The following UMAD1 variants were observed in gnomAD, a reference collection of about 807,000 sequenced individuals.
UMAD1 encodes the protein UBAP1-MVB12-associated (UMA) domain containing 1.
In UMAD1, 8 loss-of-function variants were observed where a neutral mutation model predicts 6.1. The ratio of observed to expected loss-of-function variants is 1.30; its 90% CI spans 0.76 to 2.35. The LOEUF is 2.35. Ranked by LOEUF, UMAD1 falls within the 30% of genes most tolerant of loss-of-function variation. The probability of loss-of-function intolerance (pLI) is 0.00; values close to 1 mark genes in which losing one functional copy is unlikely to be tolerated. For missense variants in UMAD1, 130 were observed against 78.4 expected (o/e 1.66, Z -2.49); for synonymous variants, 56 against 31.4 (o/e 1.78, Z -2.61).
intron 2 of UMAD1, among the ~76,000 whole-genome samples, chr7:7,791,111 C>G (rs1207476945): frequency 6.6e-6 from 1 of 152,226 alleles, no homozygotes; most frequent in Non-Finnish European, 1.5e-5. Flanking sequence ...TGGTCTCGAA[C>G]TCCCCACCTC....
intron 2 of UMAD1, among the ~76,000 whole-genome samples, chr7:7,713,050 A>G (rs1780807018): frequency 6.6e-6 from 1 of 152,114 alleles, no homozygotes. Context: ...TTCAAAAAAT[A>G]TTCTAGGGCC....
At chr7:7,649,672 C>A (rs1047419187) in intron 1 of UMAD1, among the ~76,000 whole-genome samples, 1 of 144,500 alleles carries the variant, frequency 6.9e-6, no homozygotes, top group African/African-American at 2.4e-5. Context: ...GTTATACATT[C>A]TGTATTCTTG....
chr7:7,664,544 T>G (rs1232194037), intron 1 of UMAD1, among the ~76,000 whole-genome samples: 1 of 152,190 alleles, frequency 6.6e-6, no homozygotes, highest in Non-Finnish European at 1.5e-5. Flanking sequence ...ACATGGTTCC[T>G]TCCTCTAGTG....
intron 3 of UMAD1, among the ~76,000 whole-genome samples, chr7:7,805,943 A>AG (rs1189793190): frequency 1.3e-5 from 2 of 152,166 alleles, no homozygotes; most frequent in Non-Finnish European, 2.9e-5. Context: ...AATGAAAACA[A>AG]ACTTTGTATG....
At chr7:7,646,549 C>T (rs556061222) in intron 1 of UMAD1, among the ~76,000 whole-genome samples, 72 of 147,482 alleles carry the variant, frequency 4.9e-4, no homozygotes, top group Non-Finnish European at 7.3e-4. Flanking sequence ...TTTTGCTTTC[C>T]GCCATGATTG....
intron 2 of UMAD1, among the ~76,000 whole-genome samples, chr7:7,730,573 G>A (rs926904279): frequency 6.6e-6 from 1 of 152,052 alleles, no homozygotes; most frequent in Non-Finnish European, 1.5e-5. Flanking sequence ...ACATCCTCAC[G>A]TATAAGCCCT....
chr7:7,645,108 G>T (rs1236710896), intron 1 of UMAD1, among the ~76,000 whole-genome samples: 2 of 151,920 alleles, frequency 1.3e-5, no homozygotes, highest in African/African-American at 4.8e-5. Context: ...TTGGTATATA[G>T]AAATGCCATT....
intron 2 of UMAD1, among the ~76,000 whole-genome samples, chr7:7,788,568 T>C (rs1583825665): frequency 6.6e-6 from 1 of 152,200 alleles, no homozygotes; most frequent in East Asian, 1.9e-4. Context: ...GCTGTTAGAT[T>C]AGGATCTACC....
intron 2 of UMAD1, among the ~76,000 whole-genome samples, chr7:7,713,913 C>T (rs1424752595): frequency 6.6e-6 from 1 of 152,192 alleles, no homozygotes; most frequent in Non-Finnish European, 1.5e-5. Context: ...CAGCTCACTG[C>T]AGCCTCGACC....
intron 2 of UMAD1, among the ~76,000 whole-genome samples, chr7:7,762,077 A>T (rs1240174826): frequency 1.3e-5 from 2 of 152,174 alleles, no homozygotes; most frequent in African/African-American, 2.4e-5. Flanking sequence ...GAAAGTAGAA[A>T]CCTATCCTAA....
At chr7:7,785,281 T>C (rs1443122019) in intron 2 of UMAD1, among the ~76,000 whole-genome samples, 2 of 152,230 alleles carry the variant, frequency 1.3e-5, no homozygotes, top group African/African-American at 2.4e-5. Context: ...TGAATATTTC[T>C]TCAATATTGA....
At position 7,878,754 on chromosome 7, in the gene UMAD1, T is replaced by C. The variant is rs1333804424; in HGVS notation, c.*1216T>C. On this transcript the variant is annotated 3_prime_UTR_variant, in exon 4 of 4. Transcript: ENST00000682710. ...AAAGGTACATGAATTATTCCAGTTT[T>C]AAAGTATTATGCATGTTTGTTTAAT... The C allele has an allele frequency of 6.6e-6, 1 of 152,230 alleles. No homozygotes were observed. Among genetic ancestry groups the C allele is most frequent in the Non-Finnish European group, 1.5e-5 (1 of 68,030 alleles). 9.4% of individuals were successfully genotyped at this position (152,230 alleles called of 1,614,324 possible). A position where few individuals can be genotyped will look rare whatever the true frequency, so the allele number is the denominator to read the frequency against.
At chr7:7,810,372 A>G (rs1176058509) in intron 3 of UMAD1, among the ~76,000 whole-genome samples, 2 of 152,140 alleles carry the variant, frequency 1.3e-5, no homozygotes, top group African/African-American at 4.8e-5. Context: ...TTCTAAGAAA[A>G]TAGTCTTTTA....
intron 2 of UMAD1, among the ~76,000 whole-genome samples, chr7:7,709,421 T>G (rs1056200444): frequency 6.6e-6 from 1 of 152,178 alleles, no homozygotes; most frequent in Non-Finnish European, 1.5e-5. Context: ...AGAGGTCAGA[T>G]GTTGGTGTTG....
intron 2 of UMAD1, among the ~76,000 whole-genome samples, chr7:7,679,784 C>G (rs1035810395): frequency 2.7e-5 from 4 of 149,794 alleles, no homozygotes; most frequent in East Asian, 1.9e-4. Flanking sequence ...AGGCCACTTT[C>G]GAACTCTTAG....
At chr7:7,689,878 TG>T (rs1358147220) in intron 2 of UMAD1, among the ~76,000 whole-genome samples, 1 of 152,200 alleles carries the variant, frequency 6.6e-6, no homozygotes, top group Non-Finnish European at 1.5e-5. Flanking sequence ...AAGCAGCTAG[TG>T]ATTAACAACC....
intron 3 of UMAD1, among the ~76,000 whole-genome samples, chr7:7,812,037 A>C (rs1213983895): frequency 1.3e-5 from 2 of 152,204 alleles, no homozygotes; most frequent in African/African-American, 4.8e-5. Context: ...GTAACTTCAA[A>C]TTTGTACATT....
intron 2 of UMAD1, among the ~76,000 whole-genome samples, chr7:7,697,666 G>A (rs1024540927): frequency 2.0e-5 from 3 of 152,198 alleles, no homozygotes; most frequent in South Asian, 2.1e-4. Context: ...TGTGACATTG[G>A]CACCCAGTGT....
intron 1 of UMAD1, among the ~76,000 whole-genome samples, chr7:7,643,722 AAAACAAACAAAC>A (rs1563077021): frequency 9.1e-4 from 5 of 5,496 alleles, no homozygotes; most frequent in Admixed American, 1.8e-3. Context: ...AAAAAAAAAA[AAAACAAACAAAC>A]GAAAAAAAAA....
Sources: allele counts gnomAD v4.1 joint callset (sites outside exome capture counted in the v4.1 genomes callset), GRCh38; gene constraint gnomAD v4.1.1; transcripts MANE v1.5; gene names NCBI Gene and HGNC (gene_info 2026-07-23, HGNC 2026-07-21).